PUM3: variants seen among roughly 807,000 people sequenced by gnomAD.
The protein encoded by PUM3 is pumilio RNA binding family member 3, also known as pumilio homolog 3.
Under a neutral mutation model 84.0 loss-of-function variants are expected in PUM3, and 91 were observed. That is an observed-to-expected ratio of 1.08 (90% confidence interval 0.91 to 1.29). PUM3 has a LOEUF of 1.29. PUM3 is among the 50% of genes most tolerant of loss of function. The pLI, the probability that PUM3 is intolerant of heterozygous loss-of-function variation, is 0.00. For missense variants in PUM3, 1,067 were observed against 767.5 expected (o/e 1.39, Z -4.61); for synonymous variants, 321 against 266.7 (o/e 1.20, Z -1.98).
intron 8 of PUM3, among the ~76,000 whole-genome samples, chr9:2,829,354 C>A (rs1815909652): frequency 6.6e-6 from 1 of 152,190 alleles, no homozygotes; most frequent in Non-Finnish European, 1.5e-5. Context: ...TCTCCAGACA[C>A]AATCTGAAGA....
At chr9:2,810,275 G>T (rs759503986) in intron 16 of PUM3, 69 bp downstream of exon 16, 2 of 1,039,800 alleles carry the variant, frequency 1.9e-6, no homozygotes, top group Non-Finnish European at 1.5e-6. Flanking sequence ...CTGGTATAAA[G>T]TTCAGGGATG....
intron 10 of PUM3, among the ~76,000 whole-genome samples, chr9:2,826,864 G>C (rs1432624028): frequency 2.0e-5 from 3 of 152,068 alleles, no homozygotes; most frequent in Non-Finnish European, 4.4e-5. Context: ...AATATGATTA[G>C]TAAAACTAGG....
chr9:2,833,493 A>C (rs1816040201), intron 4 of PUM3, 61 bp from the exon 5 acceptor site: 2 of 914,688 alleles, frequency 2.2e-6, no homozygotes, highest in South Asian at 3.1e-5. Context: ...AAACACACAA[A>C]ATTAAAAACT....
intron 16 of PUM3, among the ~76,000 whole-genome samples, chr9:2,809,854 A>G (rs1014386851): frequency 6.6e-6 from 1 of 152,220 alleles, no homozygotes; most frequent in South Asian, 2.1e-4. Context: ...CTTTGGTCAC[A>G]TGTATTTCAA....
At chr9:2,842,200 A>C (rs1816283704) in intron 1 of PUM3, among the ~76,000 whole-genome samples, 1 of 152,076 alleles carries the variant, frequency 6.6e-6, no homozygotes. Flanking sequence ...GTCTCTTGGA[A>C]TTCGCCCCCC....
chr9:2,808,865 G>A (rs1821312537), intron 16 of PUM3, among the ~76,000 whole-genome samples: 1 of 152,198 alleles, frequency 6.6e-6, no homozygotes, highest in Non-Finnish European at 1.5e-5. Flanking sequence ...AAGACAGTAT[G>A]ATGAAAGTGG....
intron 3 of PUM3, among the ~76,000 whole-genome samples, chr9:2,836,653 T>C (rs1343596634): frequency 6.6e-6 from 1 of 152,202 alleles, no homozygotes; most frequent in African/African-American, 2.4e-5. Flanking sequence ...TGTATTAGAC[T>C]GGCCTAAGCT....
intron 1 of PUM3, among the ~76,000 whole-genome samples, chr9:2,840,228 AG>A (rs1816234441): frequency 6.6e-6 from 1 of 152,220 alleles, no homozygotes; most frequent in Non-Finnish European, 1.5e-5. Flanking sequence ...AGTGTTTTCC[AG>A]GTTTCTCCAC....
chr9:2,814,335 C>T (rs10968310), intron 13 of PUM3, among the ~76,000 whole-genome samples: 3 of 144,434 alleles, frequency 2.1e-5, no homozygotes, highest in East Asian at 2.1e-4. Flanking sequence ...CCTCAGCCTC[C>T]GGAGTAGCTG....
intron 12 of PUM3, among the ~76,000 whole-genome samples, chr9:2,821,947 G>A (rs1433933101): frequency 2.0e-5 from 3 of 152,174 alleles, no homozygotes; most frequent in Admixed American, 2.0e-4. Flanking sequence ...GAGGTAGACA[G>A]ATGTATGTAT....
intron 13 of PUM3, 81 bp downstream of exon 13, chr9:2,819,937 C>G: frequency 3.5e-6 from 3 of 847,854 alleles, no homozygotes; most frequent in Non-Finnish European, 5.9e-6. Context: ...AGTCTTTACA[C>G]ATGCATGGTG....
chr9:2,836,291 C>T (rs73639498), intron 3 of PUM3, among the ~76,000 whole-genome samples: 2,818 of 152,188 alleles, frequency 0.019, 99 homozygotes, highest in African/African-American at 0.064. Flanking sequence ...TGTTAAGACA[C>T]GCTGTGCTGG....
rs1176522651 is a variant in PUM3 at position 2,828,787 on chromosome 9, A to G, written c.853-9T>C. On this transcript the variant is annotated splice_polypyrimidine_tract_variant and intron_variant, in intron 8 of 17. Coordinates refer to ENST00000397885, the MANE Select transcript of PUM3 (RefSeq NM_014878.5). Reference sequence around the variant, plus strand: ...GTTCGGTGATCTGCTGACTGCAACAAAACAAAACAATCAAACCCCTCTAAA... The same window carrying G: ...GTTCGGTGATCTGCTGACTGCAACAGAACAAAACAATCAAACCCCTCTAAA... The G allele has an allele frequency of 6.9e-7, 1 of 1,454,402 alleles. No individual in the cohort carries two copies. Among genetic ancestry groups the G allele is most frequent in the Non-Finnish European group, 9.6e-7 (1 of 1,037,522 alleles). 90.1% of individuals were successfully genotyped at this position (1,454,402 alleles called of 1,614,324 possible).
chr9:2,811,522 T>G lies in PUM3; in HGVS notation c.1474A>C (p.Ser492Arg). The G allele has an allele frequency of 6.2e-7, 1 of 1,614,156 alleles. No individual in the cohort carries two copies. The highest frequency in any genetic ancestry group is 1.3e-5 in the African/African-American group (1 of 75,032). ...LLESISPALL[S>R]YLQEHAQEVV... ...TCTTGGGCGTGTTCTTGCAGGTAGC[T>G]TAACAAAGCTGGAGAAATGGATTCT... Residue 492 changes from serine (S) to arginine (R), a missense_variant, in exon 15 of 18, where the codon AGC (serine) becomes CGC (arginine). By Grantham distance (110) the Ser-to-Arg change is moderately radical (BLOSUM62 -1). Transcript: ENST00000397885.
At position 2,804,422 on chromosome 9, in the gene PUM3, T is replaced by A; in HGVS notation, c.1856A>T (p.Lys619Ile). ...SCDLEVANKV[K>I]AALKSLIPTL... is the part of the protein sequence containing the mutation. ...AGGAATCAAGCTTTTCAGTGCAGCT[T>A]TGACTTTGTTTGCAACTTCCAGGTC... The change falls in exon 18 of 18, where the codon AAA becomes ATA. Residue 619 changes from lysine (K) to isoleucine (I), a missense_variant. Transcript: ENST00000397885. 1 of 1,614,012 alleles carries A rather than the reference T, an allele frequency of 6.2e-7. No individual in the cohort carries two copies. The highest frequency in any genetic ancestry group is 8.5e-7 in the Non-Finnish European group (1 of 1,179,960).
chr9:2,807,471 C>T (rs1821281798), intron 17 of PUM3, among the ~76,000 whole-genome samples: 2 of 151,112 alleles, frequency 1.3e-5, no homozygotes, highest in Admixed American at 1.3e-4. Flanking sequence ...GGTGTGGTGG[C>T]ATGCGTCTGT....
chr9:2,823,624 G>A (rs879083270), intron 12 of PUM3, among the ~76,000 whole-genome samples, 157 bp downstream of exon 12: 11 of 151,988 alleles, frequency 7.2e-5, no homozygotes, highest in African/African-American at 2.7e-4. Flanking sequence ...ATTTTGTGTA[G>A]ATAAAATATG....
intron 1 of PUM3, among the ~76,000 whole-genome samples, chr9:2,840,087 A>T (rs1005676330): frequency 6.6e-6 from 1 of 152,200 alleles, no homozygotes; most frequent in Non-Finnish European, 1.5e-5. Flanking sequence ...TCTCATGATT[A>T]GGCTAAGGCT....
chr9:2,822,743 TTATATAA>T (rs1415283257), intron 12 of PUM3, among the ~76,000 whole-genome samples: 1 of 144,616 alleles, frequency 6.9e-6, no homozygotes, highest in African/African-American at 2.7e-5. Flanking sequence ...TAATATAATG[TTATATAA>T]TATATAACAT....
Sources: allele counts gnomAD v4.1 joint callset (sites outside exome capture counted in the v4.1 genomes callset), GRCh38; gene constraint gnomAD v4.1.1; transcripts MANE v1.5; gene names NCBI Gene and HGNC (gene_info 2026-07-23, HGNC 2026-07-21).